Variants in PLAGL1 observed in about 807,000 individuals in gnomAD.
The protein encoded by PLAGL1 is zinc finger protein PLAGL1.
PLAGL1 carries 1 observed loss-of-function variant against 4.6 expected under a neutral mutation model. That is an observed-to-expected ratio of 0.22 (90% CI 0.08 to 1.03). PLAGL1 has a LOEUF of 1.03. Ranked by LOEUF, PLAGL1 falls within the 50% of genes least tolerant of loss-of-function variation. PLAGL1 has a pLI of 0.58. For missense variants in PLAGL1, 464 were observed against 570.4 expected, an observed-to-expected ratio of 0.81 and a Z score of 1.90; for synonymous variants, 240 against 237.8, an observed-to-expected ratio of 1.01 and a Z score of -0.08.
At chr6:144,060,066 T>TTTTTTTTTTTTTTAG (rs1562622602) in intron 1 of PLAGL1, among the ~76,000 whole-genome samples, 1 of 151,520 alleles carries the variant, frequency 6.6e-6, no homozygotes, top group African/African-American at 2.4e-5. Context: ...TTTTTTTTTT[T>TTTTTTTTTTTTTTAG]AAATAGGGTC....
At position 144,053,228 on chromosome 6, in the gene PLAGL1, G is replaced by A. The variant is rs999561980; in HGVS notation, c.-151+11240C>T. 1.3e-5 allele frequency among the ~76,000 whole-genome samples: 2 copies of A among 152,170 alleles called. No homozygotes were observed. The highest frequency in any genetic ancestry group is 3.9e-4 in the East Asian group (2 of 5,182). On this transcript the variant is annotated intron_variant, in intron 1 of 3. Coordinates refer to the PLAGL1 transcript ENST00000437412. The surrounding 1 kb of genome is among the most constrained non-coding windows in gnomAD (Gnocchi z 4.0). ...TGGCTTACTGCAACCTCTGCCTCCC[G>A]GGTTCAAGCAATTCTCCTGCCTCAG...
rs1795449243 is a variant in PLAGL1 at position 144,014,681 on chromosome 6, G to A, written c.-150-45703C>T. ...TGCAGCCTCCACCTCCCAGTTTCAA[G>A]TGATTCTACTGCCTCAGCCTCCAGA... On this transcript the variant is annotated intron_variant, in intron 1 of 3. Coordinates refer to the PLAGL1 transcript ENST00000437412. Among the ~76,000 whole-genome samples the A allele has an allele frequency of 5.9e-5, 9 of 152,010 alleles. 1 individual carries two copies. The highest frequency in any genetic ancestry group is 5.9e-4 in the Admixed American group (9 of 15,254).
At chr6:144,045,775 A>C (rs1798098650) in intron 1 of PLAGL1, among the ~76,000 whole-genome samples, 1 of 152,202 alleles carries the variant, frequency 6.6e-6, no homozygotes, top group African/African-American at 2.4e-5. Flanking sequence ...TAATATCCTG[A>C]AGAGTGTTTT....
chr6:143,994,603 A>T lies in PLAGL1; in HGVS notation c.-583-9429T>A, dbSNP rs906715714. On this transcript the variant is annotated intron_variant, in intron 1 of 7. Transcript: ENST00000674357. This position sits in a 1 kb window ranked among gnomAD's most constrained non-coding sequence, Gnocchi z 4.3. ...CTATTATTCGCAAAAAAATGTATGG[A>T]AGATGATGAGAGACAGCAGTGTGAC... Among the ~76,000 whole-genome samples the T allele has an allele frequency of 6.6e-6, 1 of 152,212 alleles. No homozygotes were observed. The highest frequency in any genetic ancestry group is 1.5e-5 in the Non-Finnish European group (1 of 68,034).
intron 1 of PLAGL1, among the ~76,000 whole-genome samples, chr6:144,001,874 T>A (rs1325488094): frequency 6.6e-6 from 1 of 151,982 alleles, no homozygotes; most frequent in Non-Finnish European, 1.5e-5. Flanking sequence ...ACAAAACACA[T>A]AACCAGTACT....
intron 1 of PLAGL1, among the ~76,000 whole-genome samples, chr6:144,047,005 G>C (rs1798208403): frequency 6.6e-6 from 1 of 152,242 alleles, no homozygotes; most frequent in Non-Finnish European, 1.5e-5. Context: ...CGCTGAGCCA[G>C]GAGCAGGATA....
rs1791286858 is a variant in PLAGL1 at position 143,994,861 on chromosome 6, T to C, written c.-583-9687A>G. 6.6e-6 allele frequency among the ~76,000 whole-genome samples: 1 copy of C among 152,230 alleles called. No individual in the cohort carries two copies. The highest frequency in any genetic ancestry group is 2.1e-4 in the South Asian group (1 of 4,834). ...CATTATAATACATGTCAGTTTCTGA[T>C]GTGTTTGCTCTTAGCAAATTTGCAT... On this transcript the variant is annotated intron_variant, in intron 1 of 7. Transcript: ENST00000674357. This position sits in a 1 kb window ranked among gnomAD's most constrained non-coding sequence, Gnocchi z 4.3.
At position 143,973,361 on chromosome 6, in the gene PLAGL1, AT is replaced by A. The variant is rs1785784836; in HGVS notation, c.-543-4384del. On this transcript the variant is annotated intron_variant, in intron 2 of 7. Coordinates refer to ENST00000674357, the MANE Select transcript of PLAGL1 (RefSeq NM_001317162.2). This position sits in a 1 kb window ranked among gnomAD's most constrained non-coding sequence, Gnocchi z 6.2. ...CCACCTCATGGTTTAATTCAAATTC[AT>A]CCGTTTCCTACATTCCAGTGACAGT... Among the ~76,000 whole-genome samples the A allele has an allele frequency of 6.6e-6, 1 of 152,182 alleles. No homozygotes were observed. The highest frequency in any genetic ancestry group is 6.5e-5 in the Admixed American group (1 of 15,272).
intron 1 of PLAGL1, among the ~76,000 whole-genome samples, chr6:144,057,778 T>A (rs1799088096): frequency 3.0e-5 from 1 of 33,044 alleles, no homozygotes; most frequent in East Asian, 8.3e-4. Context: ...GCCTCACCAT[T>A]TTTTTTTTTT....
At position 143,983,189 on chromosome 6, in the gene PLAGL1, A is replaced by G. The variant is rs1208897652; in HGVS notation, c.-544+1946T>C. Among the ~76,000 whole-genome samples the G allele has an allele frequency of 2.0e-5, 3 of 152,184 alleles. No individual in the cohort carries two copies. Among genetic ancestry groups the G allele is most frequent in the Non-Finnish European group, 4.4e-5 (3 of 68,014 alleles). On this transcript the variant is annotated intron_variant, in intron 2 of 7. Coordinates refer to ENST00000674357, the MANE Select transcript of PLAGL1 (RefSeq NM_001317162.2). The surrounding 1 kb of genome is among the most constrained non-coding windows in gnomAD (Gnocchi z 6.6). ...GACAAGAGAAGAACATACTTCACAG[A>G]GCAGCATGATCAGTGGGGTCAGTGC...
intron 1 of PLAGL1, among the ~76,000 whole-genome samples, chr6:144,023,187 C>G (rs765596996): frequency 1.3e-5 from 2 of 152,090 alleles, no homozygotes; most frequent in Non-Finnish European, 2.9e-5. Context: ...AAAGAGAACA[C>G]TATAAACATG....
chr6:143,969,158 C>G (rs1207740271), intron 2 of PLAGL1, among the ~76,000 whole-genome samples, 180 bp from the exon 3 acceptor site: 1 of 152,046 alleles, frequency 6.6e-6, no homozygotes, highest in Non-Finnish European at 1.5e-5. Context: ...TCCAGAGGCA[C>G]CCATTTGAGT....
Position 143,997,853 on chromosome 6 carries a change from TG to T in PLAGL1, c.-584+10236del, listed in dbSNP as rs1166462033. On this transcript the variant is annotated intron_variant, in intron 1 of 7. Transcript: ENST00000674357. This position sits in a 1 kb window ranked among gnomAD's most constrained non-coding sequence, Gnocchi z 4.6. ...TTGCTCTTGAATGTGGTTACACAGG[TG>T]TGCGTATGTGTGTGTGTGTATAAAC... Among the ~76,000 whole-genome samples the T allele has an allele frequency of 6.6e-6, 1 of 152,202 alleles. No homozygotes were observed. The highest frequency in any genetic ancestry group is 2.4e-5 in the African/African-American group (1 of 41,444).
At position 144,059,745 on chromosome 6, in the gene PLAGL1, G is replaced by A. The variant is rs1418604538; in HGVS notation, c.-151+4723C>T. Among the ~76,000 whole-genome samples, 1 of 152,136 alleles carries A rather than the reference G, an allele frequency of 6.6e-6. No individual in the cohort carries two copies. Among genetic ancestry groups the A allele is most frequent in the Non-Finnish European group, 1.5e-5 (1 of 68,040 alleles). ...CACTGGCTGCATTAAGCTTTGTCTTGCCATTAATAATATTTTCCATCCCTG... is the reference window on the plus strand; with the variant it reads ...CACTGGCTGCATTAAGCTTTGTCTTACCATTAATAATATTTTCCATCCCTG... On this transcript the variant is annotated intron_variant, in intron 1 of 3. Coordinates refer to the PLAGL1 transcript ENST00000437412. This position sits in a 1 kb window ranked among gnomAD's most constrained non-coding sequence, Gnocchi z 4.9.
At position 144,061,751 on chromosome 6, in the gene PLAGL1, C is replaced by T. The variant is rs1799422351; in HGVS notation, c.-151+2717G>A. On this transcript the variant is annotated intron_variant, in intron 1 of 3. Transcript: ENST00000437412. The surrounding 1 kb of genome is among the most constrained non-coding windows in gnomAD (Gnocchi z 4.4). ...TTATTCCTTTTCTACTCCCCACCTC[C>T]CACCATCAATTTTATCAAGTTCCTT... Among the ~76,000 whole-genome samples the T allele has an allele frequency of 6.6e-6, 1 of 152,184 alleles. No homozygotes were observed. The highest frequency in any genetic ancestry group is 6.5e-5 in the Admixed American group (1 of 15,288).
intron 7 of PLAGL1, among the ~76,000 whole-genome samples, chr6:143,944,300 TG>T (rs1333449957): frequency 6.6e-6 from 1 of 152,086 alleles, no homozygotes; most frequent in Non-Finnish European, 1.5e-5. Flanking sequence ...GAGCCAGAAT[TG>T]GGGAGGGGTC....
chr6:144,012,517 G>A (rs993738781), upstream of PLAGL1, among the ~76,000 whole-genome samples: 6 of 152,258 alleles, frequency 3.9e-5, no homozygotes, highest in East Asian at 1.9e-4. The surrounding 1 kb of genome is among the most constrained non-coding windows in gnomAD (Gnocchi z 4.8). Flanking sequence ...GATTACAGAC[G>A]TGAGCCACCA....
intron 2 of PLAGL1, among the ~76,000 whole-genome samples, chr6:143,974,585 G>C (rs1160544874): frequency 6.6e-6 from 1 of 152,168 alleles, no homozygotes; most frequent in East Asian, 1.9e-4. Context: ...AAGGTAGCTT[G>C]TGACAAAAAT....
intron 1 of PLAGL1, among the ~76,000 whole-genome samples, chr6:143,993,328 C>T (rs1790900874): frequency 1.3e-5 from 1 of 75,194 alleles, no homozygotes; most frequent in South Asian, 5.7e-4. Flanking sequence ...AAAAACAAAA[C>T]AAAACACACA....
Sources: allele counts gnomAD v4.1 joint callset (sites outside exome capture counted in the v4.1 genomes callset), GRCh38; gene constraint gnomAD v4.1.1; non-coding constraint Gnocchi (gnomAD v3.1); transcripts MANE v1.5; gene names NCBI Gene and HGNC (gene_info 2026-07-23, HGNC 2026-07-21).